The following UTS2B variants were observed in gnomAD, a reference collection of about 807,000 sequenced individuals.
UTS2B encodes urotensin-2B.
A neutral mutation model predicts 19.2 loss-of-function variants in UTS2B; 21 were observed. The ratio of observed to expected loss-of-function variants is 1.09; its 90% CI spans 0.78 to 1.58. The LOEUF (loss-of-function observed/expected upper bound fraction) is 1.58, where lower values mean the gene tolerates loss of function less well. Ranked by LOEUF, UTS2B falls within the 40% of genes most tolerant of loss-of-function variation. UTS2B has a pLI of 0.00. For synonymous variants in UTS2B, 57 were observed against 50.2 expected (o/e 1.14, Z -0.58); for missense variants, 138 against 130.3 (o/e 1.06, Z -0.29).
At chr3:191,336,868 A>C in the UTS2B span, among the ~76,000 whole-genome samples, 1 of 152,260 alleles carries the variant, frequency 6.6e-6, no homozygotes, top group Non-Finnish European at 1.5e-5. Flanking sequence ...AATCCTCTCT[A>C]GTAATTCAAA....
intron 1 of UTS2B, among the ~76,000 whole-genome samples, 173 bp downstream of exon 1, chr3:191,330,241 C>T (rs1717923457): frequency 1.3e-5 from 2 of 151,918 alleles, no homozygotes; most frequent in Non-Finnish European, 2.9e-5. Flanking sequence ...AAAGTTTAGT[C>T]TTGGCTGTGT....
chr3:191,343,220 T>TA, the UTS2B span, among the ~76,000 whole-genome samples: 1 of 152,212 alleles, frequency 6.6e-6, no homozygotes. Flanking sequence ...TGACTGTACT[T>TA]ATGATGGCTA....
chr3:191,330,240 T>A (rs1717923342), intron 1 of UTS2B, among the ~76,000 whole-genome samples, 174 bp downstream of exon 1: 1 of 152,052 alleles, frequency 6.6e-6, no homozygotes, highest in African/African-American at 2.4e-5. Context: ...AAAAGTTTAG[T>A]CTTGGCTGTG....
At chr3:191,271,392 G>A (rs959400774) in intron 8 of UTS2B, among the ~76,000 whole-genome samples, 2 of 152,026 alleles carry the variant, frequency 1.3e-5, no homozygotes, top group African/African-American at 4.8e-5. Flanking sequence ...ATTTGAGACT[G>A]AGCTTCCATC....
chr3:191,329,454 G>A (rs527667803), intron 1 of UTS2B: 115 of 465,406 alleles, frequency 2.5e-4, no homozygotes, highest in African/African-American at 2.2e-3. Flanking sequence ...AGGTGGCCGC[G>A]GCGGGGCAGC....
chr3:191,344,799 G>A, the UTS2B span, among the ~76,000 whole-genome samples: 5 of 152,124 alleles, frequency 3.3e-5, no homozygotes, highest in East Asian at 1.9e-4. Flanking sequence ...GGCTGGTCTC[G>A]AACTCGGGAG....
chr3:191,273,385 C>T, intron 8 of UTS2B: 2 of 435,128 alleles, frequency 4.6e-6, no homozygotes, highest in South Asian at 3.3e-5. Context: ...CATTTACCAA[C>T]CTGCCTTGCC....
At chr3:191,271,135 C>T (rs1249135493) in intron 8 of UTS2B, among the ~76,000 whole-genome samples, 3 of 134,214 alleles carry the variant, frequency 2.2e-5, no homozygotes, top group Non-Finnish European at 4.5e-5. Context: ...ACACGGGAGG[C>T]AGAGGTTGCA....
intron 3 of UTS2B, among the ~76,000 whole-genome samples, chr3:191,307,434 G>A (rs1717169464): frequency 6.6e-6 from 1 of 152,112 alleles, no homozygotes; most frequent in African/African-American, 2.4e-5. Flanking sequence ...AAGCATAAGA[G>A]GAAAACGAAA....
At chr3:191,303,074 C>A (rs187002846) in intron 4 of UTS2B, among the ~76,000 whole-genome samples, 2 of 152,344 alleles carry the variant, frequency 1.3e-5, no homozygotes, top group Non-Finnish European at 2.9e-5. Context: ...ACTTCATCTG[C>A]ACAAAAACAG....
chr3:191,345,318 C>A, the UTS2B span, among the ~76,000 whole-genome samples: 9 of 152,318 alleles, frequency 5.9e-5, no homozygotes, highest in Middle Eastern at 3.4e-3. Context: ...TGTTTGCGGG[C>A]ATTTTAAAAA....
chr3:191,279,095 T>C (rs1716314256), intron 5 of UTS2B, among the ~76,000 whole-genome samples: 1 of 152,068 alleles, frequency 6.6e-6, no homozygotes, highest in Non-Finnish European at 1.5e-5. Flanking sequence ...GTCTTTCCTG[T>C]CTCTACAAAA....
chr3:191,321,227 T>C (rs967375813), intron 2 of UTS2B, among the ~76,000 whole-genome samples: 1 of 152,176 alleles, frequency 6.6e-6, no homozygotes, highest in East Asian at 1.9e-4. Context: ...TTAGTTTTTA[T>C]GTACAGTACA....
chr3:191,275,524 C>CA (rs1302437516), intron 7 of UTS2B, among the ~76,000 whole-genome samples, 179 bp from the exon 8 acceptor site: 1 of 152,102 alleles, frequency 6.6e-6, no homozygotes, highest in East Asian at 1.9e-4. Flanking sequence ...ACTAAAACTA[C>CA]AAAAAATTAG....
At chr3:191,329,788 C>T (rs1717888107) in intron 1 of UTS2B, 1 of 1,549,536 alleles carries the variant, frequency 6.5e-7, no homozygotes, top group East Asian at 2.3e-5. Context: ...TCTCTCAGGT[C>T]AGGGGCGTTG....
At position 191,308,128 on chromosome 3, in the gene UTS2B, T is replaced by C. The variant is rs149968708; in HGVS notation, c.-181-3580A>G. Among the ~76,000 whole-genome samples, 391 of 152,242 alleles carry C rather than the reference T, an allele frequency of 2.6e-3. 2 individuals carry two copies. Among genetic ancestry groups the C allele is most frequent in the African/African-American group, 9.0e-3 (375 of 41,530 alleles). On this transcript the variant is annotated intron_variant, in intron 3 of 8. Coordinates refer to ENST00000340524, the MANE Select transcript of UTS2B (RefSeq NM_198152.5). ...GGATTACAGGCATCAGCCACCACGA[T>C]GTAGGGACTTTTTCCTTTCTGTTAG...
chr3:191,345,287 G>A, the UTS2B span, among the ~76,000 whole-genome samples: 1 of 152,198 alleles, frequency 6.6e-6, no homozygotes, highest in Admixed American at 6.5e-5. Context: ...CTTTAACACA[G>A]GAAGCTTATG....
At chr3:191,280,388 C>G (rs887927866) in intron 5 of UTS2B, among the ~76,000 whole-genome samples, 1 of 152,010 alleles carries the variant, frequency 6.6e-6, no homozygotes, top group Non-Finnish European at 1.5e-5. Context: ...TTCTAACACA[C>G]AGAAAAAAGC....
At chr3:191,271,014 C>A (rs368976738) in intron 8 of UTS2B, among the ~76,000 whole-genome samples, 1 of 151,860 alleles carries the variant, frequency 6.6e-6, no homozygotes, top group Admixed American at 6.6e-5. Flanking sequence ...ACCATTCTGA[C>A]CAACATGGTG....
Sources: allele counts gnomAD v4.1 joint callset (sites outside exome capture counted in the v4.1 genomes callset), GRCh38; gene constraint gnomAD v4.1.1; transcripts MANE v1.5; gene names NCBI Gene and HGNC (gene_info 2026-07-23, HGNC 2026-07-21).